TNIK: variants seen among roughly 807,000 people sequenced by gnomAD.
The protein encoded by TNIK is TRAF2 and NCK-interacting protein kinase.
Under a neutral mutation model 191.3 loss-of-function variants are expected in TNIK, and 49 were observed. That is an observed-to-expected ratio of 0.26 (90% CI 0.20 to 0.32). The LOEUF is 0.32. Among genes scored for constraint, TNIK ranks in the 10% least tolerant of loss-of-function variants. TNIK has a pLI of 1.00. For missense variants in TNIK, 1,155 were observed against 1,702.3 expected (o/e 0.68, Z 5.66); for synonymous variants, 594 against 600.9 (o/e 0.99, Z 0.17).
At chr3:171,109,162 G>A (rs1725450418) in intron 19 of TNIK, among the ~76,000 whole-genome samples, 1 of 152,148 alleles carries the variant, frequency 6.6e-6, no homozygotes, top group East Asian at 1.9e-4. Flanking sequence ...CAGAATGGCT[G>A]TTTTCTTTCT....
chr3:171,206,997 G>A (rs1740173382), intron 4 of TNIK, among the ~76,000 whole-genome samples: 1 of 151,984 alleles, frequency 6.6e-6, no homozygotes, highest in Admixed American at 6.6e-5. Context: ...GTGATATGCT[G>A]GGAGATGGTT....
intron 15 of TNIK, among the ~76,000 whole-genome samples, chr3:171,131,987 C>G (rs1243825958): frequency 6.6e-6 from 1 of 152,206 alleles, no homozygotes; most frequent in Non-Finnish European, 1.5e-5. Flanking sequence ...CCTCCAAAAC[C>G]TCTCCCATCT....
At chr3:171,177,557 CAT>C (rs1736110299) in intron 7 of TNIK, among the ~76,000 whole-genome samples, 177 bp from the exon 8 acceptor site, 1 of 152,182 alleles carries the variant, frequency 6.6e-6, no homozygotes, top group African/African-American at 2.4e-5. Flanking sequence ...CAGTACCACT[CAT>C]GGTGTCTGGC....
At chr3:171,152,607 T>G (rs573553473) in intron 12 of TNIK, among the ~76,000 whole-genome samples, 1 of 152,126 alleles carries the variant, frequency 6.6e-6, no homozygotes, top group Non-Finnish European at 1.5e-5. Flanking sequence ...TGCCAGGGCA[T>G]GCAGGTAGTA....
chr3:171,416,356 G>A (rs62281635), intron 1 of TNIK, among the ~76,000 whole-genome samples: 5,981 of 151,960 alleles, frequency 0.039, 147 homozygotes, highest in East Asian at 0.1. Flanking sequence ...TCACATATCC[G>A]GAATGTAGGG....
At chr3:171,123,825 T>TA (rs1333284858) in intron 17 of TNIK, 123 bp from the exon 18 acceptor site, 1 of 580,386 alleles carries the variant, frequency 1.7e-6, no homozygotes, top group Non-Finnish European at 2.8e-6. Context: ...AGTAAAGAAC[T>TA]ATCTTTCATT....
At chr3:171,261,843 A>G (rs941882408) in intron 2 of TNIK, among the ~76,000 whole-genome samples, 1 of 152,184 alleles carries the variant, frequency 6.6e-6, no homozygotes, top group Non-Finnish European at 1.5e-5. Flanking sequence ...AACAGGAGAG[A>G]AAACACAAGG....
chr3:171,252,384 A>C (rs1014096747), intron 2 of TNIK, among the ~76,000 whole-genome samples: 7 of 152,236 alleles, frequency 4.6e-5, no homozygotes, highest in African/African-American at 1.7e-4. Flanking sequence ...TTATATAGGC[A>C]GATGTAATTA....
chr3:171,449,728 A>T (rs1466115340), intron 1 of TNIK, among the ~76,000 whole-genome samples: 1 of 151,958 alleles, frequency 6.6e-6, no homozygotes, highest in African/African-American at 2.4e-5. Flanking sequence ...TGCAGAAACC[A>T]TTGCAATGAC....
chr3:171,306,761 A>C (rs370138679), intron 2 of TNIK, among the ~76,000 whole-genome samples: 2 of 152,296 alleles, frequency 1.3e-5, no homozygotes, highest in East Asian at 3.9e-4. Context: ...AGCTGAAAAG[A>C]AAAACAACCA....
chr3:171,079,431 C>G lies in TNIK; in HGVS notation c.3448+87G>C, dbSNP rs140187656. The G allele has an allele frequency of 1.1e-5, 16 of 1,479,908 alleles. No homozygotes were observed. The East Asian group carries it at 3.7e-4, about 34-fold the overall frequency. 91.7% of individuals were successfully genotyped at this position (1,479,908 alleles called of 1,614,324 possible). ...AGCTGGTCACACATGCATCATCAAT[C>G]TGATAGAAAAAACTAGGTGAAACCT... On this transcript the variant is annotated intron_variant, in intron 28 of 32. Transcript: ENST00000436636.
At chr3:171,350,595 TAAAAA>T (rs71178208) in intron 2 of TNIK, among the ~76,000 whole-genome samples, 3 of 98,022 alleles carry the variant, frequency 3.1e-5, no homozygotes, top group Non-Finnish European at 3.7e-5. Flanking sequence ...GCTCTGTTGC[TAAAAA>T]AAAAAAAAAA....
chr3:171,298,575 C>T (rs1752564987), intron 2 of TNIK, among the ~76,000 whole-genome samples: 1 of 152,130 alleles, frequency 6.6e-6, no homozygotes, highest in South Asian at 2.1e-4. Flanking sequence ...GATCTTCTGG[C>T]TGTGTCCTTT....
chr3:171,279,494 G>A (rs992601175), intron 2 of TNIK, among the ~76,000 whole-genome samples: 2 of 152,034 alleles, frequency 1.3e-5, no homozygotes, highest in African/African-American at 2.4e-5. Flanking sequence ...GAATTATACC[G>A]ATTTGCCCTC....
chr3:171,104,378 A>G (rs1294350393), intron 21 of TNIK, among the ~76,000 whole-genome samples: 1 of 151,566 alleles, frequency 6.6e-6, no homozygotes, highest in African/African-American at 2.4e-5. Context: ...CTTCTTGGTA[A>G]TTTATTACTT....
intron 1 of TNIK, among the ~76,000 whole-genome samples, chr3:171,395,998 T>C (rs767231302): frequency 2.2e-4 from 34 of 152,198 alleles, no homozygotes; most frequent in Non-Finnish European, 4.1e-4. Context: ...TCAATGGTTT[T>C]TAGTGTATTC....
At chr3:171,339,310 G>A (rs1489626074) in intron 2 of TNIK, among the ~76,000 whole-genome samples, 1 of 152,210 alleles carries the variant, frequency 6.6e-6, no homozygotes, top group South Asian at 2.1e-4. Context: ...CTTGCCATGA[G>A]TGTGGCTCTA....
intron 17 of TNIK, among the ~76,000 whole-genome samples, chr3:171,124,205 T>C (rs1728165190): frequency 6.6e-6 from 1 of 152,242 alleles, no homozygotes; most frequent in East Asian, 1.9e-4. Flanking sequence ...ATAAGTCATA[T>C]GTTGGTGAGC....
At chr3:171,352,457 A>C (rs12490560) in intron 2 of TNIK, among the ~76,000 whole-genome samples, 23,643 of 152,212 alleles carry the variant, frequency 0.16, 2,310 homozygotes, top group South Asian at 0.25. Flanking sequence ...AGAATAAGCA[A>C]CTGATAATTT....
Sources: gnomAD v4.1 joint callset for allele counts (sites outside exome capture counted in the v4.1 genomes callset) on GRCh38, gnomAD v4.1.1 for gene constraint, MANE v1.5 for transcripts, NCBI Gene and HGNC (gene_info 2026-07-23, HGNC 2026-07-21) for gene names.